The following NOS1AP variants were observed in gnomAD, a reference collection of about 807,000 sequenced individuals.
The protein encoded by NOS1AP is nitric oxide synthase 1 adaptor protein.
In NOS1AP, 21 loss-of-function variants were observed where a neutral mutation model predicts 56.2. The ratio of observed to expected loss-of-function variants is 0.37; its 90% CI spans 0.26 to 0.54. The LOEUF (loss-of-function observed/expected upper bound fraction) is 0.54. Ranked by LOEUF, NOS1AP falls within the 20% of genes least tolerant of loss-of-function variation. The pLI is 0.84. For synonymous variants in NOS1AP, 270 were observed against 274.6 expected (o/e 0.98, Z 0.17); for missense variants, 522 against 657.8 (o/e 0.79, Z 2.26).
chr1:162,340,080 T>C (rs1020231782), intron 5 of NOS1AP, among the ~76,000 whole-genome samples: 3 of 152,220 alleles, frequency 2.0e-5, no homozygotes, highest in Admixed American at 1.3e-4. Flanking sequence ...TGTGTATGTA[T>C]GTAGTCATTC....
intron 5 of NOS1AP, among the ~76,000 whole-genome samples, chr1:162,341,028 C>G (rs540120392): frequency 6.6e-6 from 1 of 152,242 alleles, no homozygotes; most frequent in South Asian, 2.1e-4. Context: ...CTTGTGATGC[C>G]TGAGAAATAC....
chr1:162,346,310 A>G (rs778242404), intron 6 of NOS1AP, among the ~76,000 whole-genome samples: 1 of 152,218 alleles, frequency 6.6e-6, no homozygotes, highest in Non-Finnish European at 1.5e-5. Flanking sequence ...ATAAATTACA[A>G]TACAATATGG....
At chr1:162,079,025 A>G (rs913846343) in intron 1 of NOS1AP, among the ~76,000 whole-genome samples, 1 of 152,172 alleles carries the variant, frequency 6.6e-6, no homozygotes, top group Non-Finnish European at 1.5e-5. Context: ...GATGATCCCT[A>G]TAAGATGGCC....
At chr1:162,177,431 G>A (rs1443664833) in intron 2 of NOS1AP, among the ~76,000 whole-genome samples, 1 of 152,090 alleles carries the variant, frequency 6.6e-6, no homozygotes, top group African/African-American at 2.4e-5. Flanking sequence ...GTGAGTTGTG[G>A]TGGTGTCTGT....
intron 2 of NOS1AP, among the ~76,000 whole-genome samples, chr1:162,229,306 G>A (rs1390262994): frequency 3.9e-5 from 6 of 152,270 alleles, no homozygotes; most frequent in African/African-American, 1.4e-4. Context: ...CTGGTTAGAT[G>A]TCTGTAGGGG....
intron 1 of NOS1AP, among the ~76,000 whole-genome samples, chr1:162,111,411 C>T (rs1032945845): frequency 1.3e-5 from 2 of 152,078 alleles, no homozygotes; most frequent in Admixed American, 6.6e-5. Context: ...GTGGTTGGGG[C>T]GAGGAGTACT....
intron 2 of NOS1AP, among the ~76,000 whole-genome samples, chr1:162,201,701 A>G (rs1651994869): frequency 1.3e-5 from 2 of 152,130 alleles, no homozygotes; most frequent in Non-Finnish European, 2.9e-5. Flanking sequence ...CCGGTCAGTG[A>G]TATTGAGCTT....
rs1386083777 is a variant in NOS1AP, at chr1:162,251,874, T to TG, written c.178-35470_178-35469insG. Among the ~76,000 whole-genome samples the TG allele has an allele frequency of 2.5e-3, 344 of 135,420 alleles. 1 individual carries two copies. Among genetic ancestry groups the TG allele is most frequent in the Non-Finnish European group, 4.2e-3 (267 of 63,246 alleles). 88.8% of individuals were successfully genotyped at this position (135,420 alleles called of 152,430 possible). A position where few individuals can be genotyped will look rare whatever the true frequency, so the allele number is the denominator to read the frequency against. On this transcript the variant is annotated intron_variant, in intron 2 of 9. Transcript: ENST00000361897. ...AGCTAGTTGTTTTTTTTTTTGTTTT[T>TG]TTTTTTTTTTTTTTTGTGGAGACAA...
intron 2 of NOS1AP, among the ~76,000 whole-genome samples, chr1:162,232,188 T>C (rs1653143830): frequency 6.6e-6 from 1 of 152,170 alleles, no homozygotes; most frequent in Admixed American, 6.5e-5. Flanking sequence ...CAAACCTGGG[T>C]TTGTAAAGTG....
chr1:162,235,786 A>G (rs1457595173), intron 2 of NOS1AP, among the ~76,000 whole-genome samples: 1 of 152,244 alleles, frequency 6.6e-6, no homozygotes, highest in African/African-American at 2.4e-5. Context: ...TTCAAGGAGC[A>G]CTTGCCTGAC....
chr1:162,254,701 C>A (rs547955156), intron 2 of NOS1AP, among the ~76,000 whole-genome samples: 1 of 152,320 alleles, frequency 6.6e-6, no homozygotes, highest in Non-Finnish European at 1.5e-5. Flanking sequence ...TTAACTACCA[C>A]AATACTTTAT....
chr1:162,076,033 C>T (rs1691760397), intron 1 of NOS1AP, among the ~76,000 whole-genome samples: 1 of 152,166 alleles, frequency 6.6e-6, no homozygotes, highest in African/African-American at 2.4e-5. Flanking sequence ...CTAATGATGA[C>T]CTTTGCCAGT....
At chr1:162,098,678 A>G (rs1023590644) in intron 1 of NOS1AP, among the ~76,000 whole-genome samples, 1 of 152,016 alleles carries the variant, frequency 6.6e-6, no homozygotes, top group Non-Finnish European at 1.5e-5. Context: ...CCAACTCCTG[A>G]TAGACCCCTA....
At chr1:162,168,880 TTGAAG>T (rs1401656391) in intron 2 of NOS1AP, among the ~76,000 whole-genome samples, 4 of 152,130 alleles carry the variant, frequency 2.6e-5, no homozygotes, top group African/African-American at 4.8e-5. Context: ...TGGTGAGGGA[TTGAAG>T]TGAAGTCTGG....
chr1:162,141,516 T>C (rs1649233656), intron 1 of NOS1AP, among the ~76,000 whole-genome samples: 1 of 152,162 alleles, frequency 6.6e-6, no homozygotes, highest in African/African-American at 2.4e-5. Flanking sequence ...TGGAGCTACT[T>C]TCTAGTGCTG....
intron 2 of NOS1AP, among the ~76,000 whole-genome samples, chr1:162,256,801 A>G (rs1654043631): frequency 1.3e-5 from 2 of 152,208 alleles, no homozygotes; most frequent in South Asian, 4.1e-4. Context: ...GAGTTTTGAA[A>G]TGCCAGGGAC....
intron 3 of NOS1AP, among the ~76,000 whole-genome samples, chr1:162,298,056 G>C (rs1308692413): frequency 1.3e-5 from 2 of 152,224 alleles, no homozygotes; most frequent in Admixed American, 6.5e-5. Context: ...AACATAACAA[G>C]GCAGAAAACT....
At chr1:162,217,289 A>C (rs1195281333) in intron 2 of NOS1AP, among the ~76,000 whole-genome samples, 3 of 4,872 alleles carry the variant, frequency 6.2e-4, no homozygotes, top group Admixed American at 1.7e-3. Context: ...TTTGAGATGA[A>C]GTCTCACTCT....
At chr1:162,320,076 C>T (rs1264547111) in intron 4 of NOS1AP, among the ~76,000 whole-genome samples, 1 of 152,160 alleles carries the variant, frequency 6.6e-6, no homozygotes, top group Admixed American at 6.5e-5. Context: ...TCTGTACCCC[C>T]TGAGCTCCTC....
Sources: allele counts gnomAD v4.1 joint callset (sites outside exome capture counted in the v4.1 genomes callset), GRCh38; gene constraint gnomAD v4.1.1; transcripts MANE v1.5; gene names NCBI Gene and HGNC (gene_info 2026-07-23, HGNC 2026-07-21).